The following TPST1 variants were observed in gnomAD, a reference collection of about 807,000 sequenced individuals.
The protein encoded by TPST1 is protein-tyrosine sulfotransferase 1.
Under a neutral mutation model 34.8 loss-of-function variants are expected in TPST1, and 20 were observed. The observed-to-expected ratio is 0.57, with a 90% CI of 0.40 to 0.84. The LOEUF (loss-of-function observed/expected upper bound fraction) is 0.84. Ranked by LOEUF, TPST1 falls within the 40% of genes least tolerant of loss-of-function variation. The pLI is 0.00. For synonymous variants in TPST1, 152 were observed against 159.4 expected, an observed-to-expected ratio of 0.95 and a Z score of 0.35; for missense variants, 353 against 455.5, an observed-to-expected ratio of 0.78 and a Z score of 2.05.
chr7:66,357,056 A>G (rs1238829324), intron 5 of TPST1, among the ~76,000 whole-genome samples, 185 bp downstream of exon 5: 3 of 152,218 alleles, frequency 2.0e-5, no homozygotes. Flanking sequence ...TTATTCATCT[A>G]TGAAATGAGG....
At chr7:66,347,614 T>G (rs938159677) in intron 3 of TPST1, among the ~76,000 whole-genome samples, 2 of 152,224 alleles carry the variant, frequency 1.3e-5, no homozygotes, top group African/African-American at 4.8e-5. Flanking sequence ...GTAATGTTAC[T>G]CCACCAGTAT....
At chr7:66,233,690 G>A (rs1789845947) in intron 1 of TPST1, among the ~76,000 whole-genome samples, 1 of 152,166 alleles carries the variant, frequency 6.6e-6, no homozygotes, top group Non-Finnish European at 1.5e-5. Flanking sequence ...ATAAATTGGA[G>A]AAAGTAACTC....
chr7:66,218,258 C>T (rs866660220), intron 1 of TPST1, among the ~76,000 whole-genome samples: 1 of 152,120 alleles, frequency 6.6e-6, no homozygotes, highest in African/African-American at 2.4e-5. Context: ...CTTGAAATGC[C>T]TGTATGTCTT....
rs746310474 is a variant in TPST1, at chr7:66,352,568, C to G, written c.1095+13C>G. ...AGAAAAACCACAGGTACTGTGTCTG[C>G]TTTTTCCTCCTGATGTATACTAGAT... On this transcript the variant is annotated intron_variant, in intron 4 of 5. Transcript: ENST00000304842. 3.1e-6 allele frequency: 5 copies of G among 1,612,702 alleles called. No homozygotes were observed. The East Asian group carries it at 1.1e-4, about 36-fold the overall frequency.
In TPST1 at chr7:66,344,872, T is replaced by C. The variant is rs547558612; in HGVS notation, c.1045-7633T>C. ...CCTAGTAGCTGGGACTACAGGTGCC[T>C]GCCAACACATCCAGCTAATTTTTTA... On this transcript the variant is annotated intron_variant, in intron 3 of 5. Transcript: ENST00000304842. Among the ~76,000 whole-genome samples, 15 of 151,740 alleles carry C rather than the reference T, an allele frequency of 9.9e-5. No individual in the cohort carries two copies. In the South Asian group the frequency reaches 2.9e-3, roughly 30 times the overall value.
At chr7:66,308,541 A>G in intron 3 of TPST1, among the ~76,000 whole-genome samples, 1 of 152,118 alleles carries the variant, frequency 6.6e-6, no homozygotes, top group South Asian at 2.1e-4. Context: ...TACAGCTCAC[A>G]CCATTCTCTT....
chr7:66,200,748 A>G (rs1789026252), upstream of TPST1, among the ~76,000 whole-genome samples: 1 of 150,788 alleles, frequency 6.6e-6, no homozygotes, highest in Non-Finnish European at 1.5e-5. Context: ...TTTTTTTGAG[A>G]CAGAGATTTG....
chr7:66,241,573 G>C (rs1217694972), intron 2 of TPST1, among the ~76,000 whole-genome samples: 1 of 151,976 alleles, frequency 6.6e-6, no homozygotes, highest in Non-Finnish European at 1.5e-5. Flanking sequence ...CCTTCTTCAG[G>C]GTCTCAGACC....
chr7:66,243,009 T>C (rs1009919048), intron 2 of TPST1, among the ~76,000 whole-genome samples: 3 of 152,202 alleles, frequency 2.0e-5, no homozygotes, highest in African/African-American at 7.2e-5. Context: ...TCCAAGATTT[T>C]TGCATTTGGG....
At chr7:66,203,631 G>A (rs988453904), upstream of TPST1, among the ~76,000 whole-genome samples, 1 of 151,792 alleles carries the variant, frequency 6.6e-6, no homozygotes, top group Non-Finnish European at 1.5e-5. Flanking sequence ...GACTACAGGC[G>A]CCAGCCACCA....
intron 3 of TPST1, 139 bp from the exon 4 acceptor site, chr7:66,352,366 G>A (rs1011333225): frequency 6.5e-5 from 96 of 1,486,002 alleles, no homozygotes; most frequent in Non-Finnish European, 8.1e-5. Context: ...GGCTGCTCTT[G>A]AACTGACAGG....
chr7:66,356,333 C>G (rs948355541), intron 4 of TPST1, among the ~76,000 whole-genome samples: 54 of 152,088 alleles, frequency 3.6e-4, no homozygotes, highest in Admixed American at 5.2e-4. Flanking sequence ...ACGTCACCCT[C>G]CCGGCACACC....
At chr7:66,213,034 G>T (rs951489063) in intron 1 of TPST1, among the ~76,000 whole-genome samples, 1 of 152,168 alleles carries the variant, frequency 6.6e-6, no homozygotes, top group Admixed American at 6.5e-5. Context: ...TGATGTGTCT[G>T]CACGAATTTC....
intron 2 of TPST1, among the ~76,000 whole-genome samples, chr7:66,280,776 G>A (rs571004851): frequency 1.6e-4 from 25 of 152,172 alleles, no homozygotes; most frequent in African/African-American, 6.0e-4. Flanking sequence ...TTGATTTCTT[G>A]TTAGTTTAGC....
intron 3 of TPST1, among the ~76,000 whole-genome samples, chr7:66,309,738 G>T (rs938429190): frequency 6.6e-6 from 1 of 152,054 alleles, no homozygotes; most frequent in South Asian, 2.1e-4. Flanking sequence ...AACCAAAAAA[G>T]GTAGATAAAA....
intron 2 of TPST1, among the ~76,000 whole-genome samples, chr7:66,283,448 A>G (rs1790973535): frequency 6.6e-6 from 1 of 152,150 alleles, no homozygotes; most frequent in African/African-American, 2.4e-5. Flanking sequence ...AGATTTTGCA[A>G]GCCATATGGT....
At chr7:66,313,432 A>G (rs1385575233) in intron 3 of TPST1, among the ~76,000 whole-genome samples, 1 of 152,094 alleles carries the variant, frequency 6.6e-6, no homozygotes, top group Non-Finnish European at 1.5e-5. Flanking sequence ...ATAAAATAAT[A>G]AAATAAAATA....
At chr7:66,330,665 T>G (rs150223109) in intron 3 of TPST1, among the ~76,000 whole-genome samples, 40 of 152,292 alleles carry the variant, frequency 2.6e-4, no homozygotes, top group African/African-American at 8.2e-4. Context: ...AAACTCACAG[T>G]CCACCTCCTA....
chr7:66,327,521 G>C (rs1055850337), intron 3 of TPST1, among the ~76,000 whole-genome samples: 1 of 152,092 alleles, frequency 6.6e-6, no homozygotes, highest in Non-Finnish European at 1.5e-5. Flanking sequence ...CCAGGAGTTT[G>C]AGACCAGGAT....
Sources: allele counts gnomAD v4.1 joint callset (sites outside exome capture counted in the v4.1 genomes callset), GRCh38; gene constraint gnomAD v4.1.1; transcripts MANE v1.5; gene names NCBI Gene and HGNC (gene_info 2026-07-23, HGNC 2026-07-21).